The following RABL6 variants were observed in gnomAD, a reference collection of about 807,000 sequenced individuals.
The protein encoded by RABL6 is rab-like protein 6.
In RABL6, 28 loss-of-function variants were observed where a neutral mutation model predicts 72.9. The observed-to-expected ratio is 0.38, with a 90% CI of 0.28 to 0.53. The LOEUF is 0.53. Among genes scored for constraint, RABL6 ranks in the 20% least tolerant of loss-of-function variants. The probability of loss-of-function intolerance (pLI) is 0.80; values close to 1 mark genes in which losing one functional copy is unlikely to be tolerated. For missense variants in RABL6, 1,029 were observed against 1,008.4 expected (o/e 1.02, Z -0.28); for synonymous variants, 477 against 421.2 (o/e 1.13, Z -1.62).
In RABL6 at chr9:136,839,802, A is replaced by G. The variant is rs753806442; in HGVS notation, c.1867A>G (p.Asn623Asp). Residue 623 changes from asparagine (N) to aspartate (D), a missense_variant, in exon 13 of 15, where the codon AAT (asparagine) becomes GAT (aspartate). By Grantham distance (23) the Asn-to-Asp change is conservative (BLOSUM62 1). Transcript: ENST00000311502. ...KLPLPAFRLK[N>D]DSDLFGLGLE... is the part of the protein sequence containing the mutation. ...CCCTCTCCCCGCCTTCAGACTGAAGAATGACTCGGACCTCTTCGGGCTGGG... is the reference window on the plus strand; with the variant it reads ...CCCTCTCCCCGCCTTCAGACTGAAGGATGACTCGGACCTCTTCGGGCTGGG... 2.5e-6 allele frequency: 4 copies of G among 1,612,808 alleles called. No individual in the cohort carries two copies. In the South Asian group the frequency reaches 3.3e-5, roughly 13 times the overall value.
chr9:136,816,809 G>C (rs1342904590), intron 1 of RABL6, among the ~76,000 whole-genome samples: 1 of 151,844 alleles, frequency 6.6e-6, no homozygotes, highest in Non-Finnish European at 1.5e-5. Flanking sequence ...CTTGTAATTA[G>C]CTTTTTTAAA....
intron 1 of RABL6, chr9:136,822,191 A>C: frequency 3.3e-6 from 3 of 919,590 alleles, no homozygotes; most frequent in Non-Finnish European, 4.3e-6. Context: ...CTGACAGAAA[A>C]CCTGGGGGGG....
chr9:136,814,705 T>G (rs898191576), intron 1 of RABL6: 13 of 151,878 alleles, frequency 8.6e-5, no homozygotes, highest in East Asian at 5.9e-4. Context: ...GAGCCAAGAT[T>G]GCGCCACTGC....
intron 1 of RABL6, among the ~76,000 whole-genome samples, chr9:136,822,901 A>G (rs536563469): frequency 2.6e-5 from 4 of 152,278 alleles, no homozygotes; most frequent in African/African-American, 9.6e-5. Context: ...ACCCTGGCTA[A>G]CACGGTGAAA....
chr9:136,831,591 C>T, intron 5 of RABL6, 130 bp from the exon 6 acceptor site: 1 of 1,348,100 alleles, frequency 7.4e-7, no homozygotes, highest in Non-Finnish European at 1.0e-6. Flanking sequence ...ACGAGGCATG[C>T]TTCTGCTGGG....
rs200795391 is a variant in RABL6, at chr9:136,819,061, G to A, written c.131-4464G>A. The stretch of plus-strand genomic sequence containing the variant: ...GTCCAGGCCGGGCGCGGTGGCTCAC[G>A]CCTGTAATCCCAGCACTTTGGGAGG... On this transcript the variant is annotated intron_variant, in intron 1 of 14. Coordinates refer to ENST00000311502, the MANE Select transcript of RABL6 (RefSeq NM_024718.5). Among the ~76,000 whole-genome samples, 11 of 151,900 alleles carry A rather than the reference G, an allele frequency of 7.2e-5. No individual in the cohort carries two copies. In the East Asian group the frequency reaches 1.8e-3, roughly 24 times the overall value.
At chr9:136,817,379 A>G (rs532843196) in intron 1 of RABL6, among the ~76,000 whole-genome samples, 1 of 152,322 alleles carries the variant, frequency 6.6e-6, no homozygotes, top group African/African-American at 2.4e-5. Context: ...CATCATTGGA[A>G]ATTTTCAAAA....
At position 136,840,891 on chromosome 9, in the gene RABL6, C is replaced by G; in HGVS notation, c.*369C>G. 6.6e-7 allele frequency: 1 copy of G among 1,510,724 alleles called. No individual in the cohort carries two copies. Among genetic ancestry groups the G allele is most frequent in the Non-Finnish European group, 8.9e-7 (1 of 1,125,198 alleles). 93.6% of individuals were successfully genotyped at this position (1,510,724 alleles called of 1,614,324 possible). On this transcript the variant is annotated 3_prime_UTR_variant, in exon 15 of 15. Coordinates refer to ENST00000311502, the MANE Select transcript of RABL6 (RefSeq NM_024718.5). ...CCGCTTGGCTGTGGGGTGTGCGCTG[C>G]CCCGGCACCTGCTTGCCCTCCGCGC...
chr9:136,831,774 T>C lies in RABL6; in HGVS notation c.512T>C (p.Val171Ala), dbSNP rs371608467. The C allele has an allele frequency of 4.8e-5, 78 of 1,613,362 alleles. No individual in the cohort carries two copies. Among genetic ancestry groups the C allele is most frequent in the Non-Finnish European group, 5.3e-5 (63 of 1,179,846 alleles). ...ELPKVPTHVP[V>A]CVLGNYRDMG... ...CCAAAAGTGCCCACCCACGTGCCAG[T>C]GTGCGTGCTGGGAAACTACCGGGAC... Residue 171 changes from valine to alanine, a missense_variant, in exon 6 of 15, where the codon GTG becomes GCG. Physicochemically the swap from Val to Ala is moderately conservative, Grantham distance 64. Around this residue, in one of 2 missense-constraint regions of RABL6, gnomAD observed 434 missense variants for 536.1 expected, o/e 0.81. Coordinates refer to ENST00000311502, the MANE Select transcript of RABL6 (RefSeq NM_024718.5).
chr9:136,824,249 G>A (rs1848303220), intron 2 of RABL6, among the ~76,000 whole-genome samples: 1 of 150,872 alleles, frequency 6.6e-6, no homozygotes, highest in Non-Finnish European at 1.5e-5. Flanking sequence ...TGCCCTGTGT[G>A]TTCAGAATCG....
intron 1 of RABL6, among the ~76,000 whole-genome samples, chr9:136,818,731 T>G: frequency 6.8e-6 from 1 of 147,342 alleles, no homozygotes; most frequent in Non-Finnish European, 1.5e-5. Context: ...GGCAACAGAG[T>G]GAGACTTAAT....
intron 1 of RABL6, among the ~76,000 whole-genome samples, chr9:136,815,784 A>C (rs1848107313): frequency 6.6e-6 from 1 of 152,218 alleles, no homozygotes; most frequent in Non-Finnish European, 1.5e-5. Context: ...TTTTGCAGGA[A>C]AGCTGCAGGA....
At chr9:136,835,532 G>A (rs1588370514) in intron 7 of RABL6, 1 of 531,678 alleles carries the variant, frequency 1.9e-6, no homozygotes, top group East Asian at 3.1e-5. Flanking sequence ...GTGTGTAGGT[G>A]TCGTGCCGGC....
chr9:136,822,705 C>T (rs1388826209), intron 1 of RABL6, among the ~76,000 whole-genome samples: 1 of 152,156 alleles, frequency 6.6e-6, no homozygotes, highest in African/African-American at 2.4e-5. Context: ...CAACCCAGCC[C>T]CGGAGCAAGC....
chr9:136,823,481 C>T lies in RABL6; in HGVS notation c.131-44C>T, dbSNP rs762061814. Reference sequence around the variant, plus strand: ...TGCTCTTAAAGCTGCAGCTTGGGTTCGGTTCGTTTAATTTGCCTTTTCTTT... The same window carrying T: ...TGCTCTTAAAGCTGCAGCTTGGGTTTGGTTCGTTTAATTTGCCTTTTCTTT... On this transcript the variant is annotated intron_variant, in intron 1 of 14. Coordinates refer to ENST00000311502, the MANE Select transcript of RABL6 (RefSeq NM_024718.5). The T allele has an allele frequency of 7.5e-5, 120 of 1,608,692 alleles. No individual in the cohort carries two copies. In the Middle Eastern group the frequency reaches 1.2e-3, roughly 15 times the overall value.
Position 136,808,139 on chromosome 9 carries a change from T to C in RABL6, c.-58T>C, listed in dbSNP as rs1847907365. 3 of 1,453,114 alleles carry C rather than the reference T, an allele frequency of 2.1e-6. No homozygotes were observed. Among genetic ancestry groups the C allele is most frequent in the Non-Finnish European group, 2.7e-6 (3 of 1,096,348 alleles). The allele number at this position is 1,453,114 out of a possible 1,614,324, so 90.0% of individuals were successfully genotyped here. ...CGGGACATGGTGCCAGTCGCACCCCTTCCCCGCCGCCGCTGAGCTCGCCGG... is the reference window on the plus strand; with the variant it reads ...CGGGACATGGTGCCAGTCGCACCCCCTCCCCGCCGCCGCTGAGCTCGCCGG... On this transcript the variant is annotated 5_prime_UTR_variant, in exon 1 of 15. Transcript: ENST00000311502.
chr9:136,837,093 TCTC>T, intron 8 of RABL6: 2 of 634,666 alleles, frequency 3.2e-6, no homozygotes, highest in Non-Finnish European at 5.8e-6. Flanking sequence ...GCCAGGACGG[TCTC>T]CACCTCCTGA....
intron 7 of RABL6, chr9:136,834,218 T>G (rs903337612): frequency 2.9e-5 from 35 of 1,207,644 alleles, no homozygotes; most frequent in Non-Finnish European, 3.6e-5. Flanking sequence ...TCTAAAAAAA[T>G]CAGTTGTTTT....
chr9:136,816,213 T>A (rs896693006), intron 1 of RABL6, among the ~76,000 whole-genome samples: 7 of 152,226 alleles, frequency 4.6e-5, no homozygotes, highest in Admixed American at 3.3e-4. Flanking sequence ...CAAGCAATCT[T>A]CCCACCTCAG....
Sources: gnomAD v4.1 joint callset for allele counts (sites outside exome capture counted in the v4.1 genomes callset) on GRCh38, gnomAD v4.1.1 for gene constraint, gnomAD v4.1.1 regional missense constraint, MANE v1.5 for transcripts, NCBI Gene and HGNC (gene_info 2026-07-23, HGNC 2026-07-21) for gene names.